Variants in RBMS1 observed in about 807,000 individuals in gnomAD.
The protein encoded by RBMS1 is RNA-binding motif, single-stranded-interacting protein 1.
In RBMS1, 17 loss-of-function variants were observed where a neutral mutation model predicts 62.3. The ratio of observed to expected loss-of-function variants is 0.27; its 90% CI spans 0.19 to 0.41. The LOEUF (loss-of-function observed/expected upper bound fraction) is 0.41, where lower values mean the gene tolerates loss of function less well. RBMS1 is among the 10% of genes least tolerant of loss of function. The probability of loss-of-function intolerance (pLI) is 1.00; values close to 1 mark genes in which losing one functional copy is unlikely to be tolerated. For synonymous variants in RBMS1, 172 were observed against 170.0 expected, an observed-to-expected ratio of 1.01 and a Z score of -0.09; for missense variants, 334 against 504.5, an observed-to-expected ratio of 0.66 and a Z score of 3.24.
intron 1 of RBMS1, among the ~76,000 whole-genome samples, chr2:160,408,894 CTT>C (rs1363303489): frequency 6.6e-6 from 1 of 152,210 alleles, no homozygotes; most frequent in Non-Finnish European, 1.5e-5. Context: ...TCCACGGTGA[CTT>C]TTACAGAATA....
At position 160,346,250 on chromosome 2, in the gene RBMS1, G is replaced by T. The variant is rs184273380; in HGVS notation, c.251+20966C>A. On this transcript the variant is annotated intron_variant, in intron 2 of 13. Coordinates refer to ENST00000348849, the MANE Select transcript of RBMS1 (RefSeq NM_016836.4). Reference sequence around the variant, plus strand: ...TGTACTCTTTAACATGAATATGCCAGTCCAGAAGTGATGCTAAAAGTATTT... The same window carrying T: ...TGTACTCTTTAACATGAATATGCCATTCCAGAAGTGATGCTAAAAGTATTT... Among the ~76,000 whole-genome samples, 15 of 152,260 alleles carry T rather than the reference G, an allele frequency of 9.9e-5. No individual in the cohort carries two copies. In the East Asian group the frequency reaches 2.5e-3, roughly 26 times the overall value.
intron 1 of RBMS1, among the ~76,000 whole-genome samples, chr2:160,432,923 T>C (rs192069573): frequency 2.2e-4 from 34 of 152,258 alleles, no homozygotes; most frequent in African/African-American, 8.2e-4. Context: ...CCTGCCCAAC[T>C]ACCCAGAACA....
At chr2:160,426,218 G>GAAA (rs71408120) in intron 1 of RBMS1, among the ~76,000 whole-genome samples, 20 of 48,726 alleles carry the variant, frequency 4.1e-4, no homozygotes, top group African/African-American at 7.6e-4. Flanking sequence ...GAGAGAGACA[G>GAAA]AAGAAAGAAA....
At chr2:160,285,086 G>T in intron 7 of RBMS1, 42 bp from the exon 8 acceptor site, 4 of 1,578,006 alleles carry the variant, frequency 2.5e-6, no homozygotes, top group Non-Finnish European at 3.5e-6. Flanking sequence ...ATCTAGAAAG[G>T]CATGATTTAA....
At chr2:160,488,645 G>A (rs183137551) in intron 1 of RBMS1, among the ~76,000 whole-genome samples, 1 of 152,236 alleles carries the variant, frequency 6.6e-6, no homozygotes, top group Admixed American at 6.5e-5. Context: ...TCCCCAAGCC[G>A]ATGTTCAACT....
intron 4 of RBMS1, among the ~76,000 whole-genome samples, chr2:160,303,961 T>C (rs1359338850): frequency 1.3e-5 from 2 of 152,138 alleles, no homozygotes; most frequent in African/African-American, 2.4e-5. Context: ...TCCTCTGCTC[T>C]ATGGCAAAGT....
chr2:160,286,857 C>G (rs1366045022), intron 7 of RBMS1, 112 bp downstream of exon 7: 73 of 1,541,168 alleles, frequency 4.7e-5, no homozygotes, highest in Non-Finnish European at 5.9e-5. Flanking sequence ...ATCCTGGCAC[C>G]TATTTCAGAA....
intron 2 of RBMS1, among the ~76,000 whole-genome samples, chr2:160,341,822 T>C (rs1691889792): frequency 6.6e-6 from 1 of 152,148 alleles, no homozygotes; most frequent in Non-Finnish European, 1.5e-5. Flanking sequence ...CAATAAATAT[T>C]TGTGTTGATA....
At chr2:160,322,661 G>C (rs778936321) in intron 2 of RBMS1, among the ~76,000 whole-genome samples, 9 of 152,186 alleles carry the variant, frequency 5.9e-5, no homozygotes, top group African/African-American at 1.2e-4. Context: ...CTAAGGTGCT[G>C]AAGGGCTTCC....
intron 4 of RBMS1, among the ~76,000 whole-genome samples, chr2:160,304,792 A>G (rs1347874321): frequency 3.3e-5 from 5 of 152,246 alleles, no homozygotes; most frequent in African/African-American, 1.2e-4. Context: ...ACAAAAGTCA[A>G]AAACTTAAAT....
intron 1 of RBMS1, among the ~76,000 whole-genome samples, chr2:160,489,031 C>A (rs1208800033): frequency 6.6e-6 from 1 of 152,190 alleles, no homozygotes; most frequent in Non-Finnish European, 1.5e-5. Context: ...TGTAGTTATA[C>A]TGATACTAAA....
chr2:160,367,494 T>C (rs1187195434), intron 1 of RBMS1, 103 bp from the exon 2 acceptor site: 9 of 1,512,350 alleles, frequency 6.0e-6, no homozygotes, highest in African/African-American at 2.8e-5. Context: ...TTAAGCTACT[T>C]TGAGTTATAA....
intron 1 of RBMS1, among the ~76,000 whole-genome samples, chr2:160,450,384 CA>C (rs1193990963): frequency 1.3e-5 from 2 of 151,676 alleles, no homozygotes; most frequent in Non-Finnish European, 2.9e-5. Context: ...CTACTAAATA[CA>C]AAAAATTAGC....
At chr2:160,355,491 G>C (rs1486281996) in intron 2 of RBMS1, among the ~76,000 whole-genome samples, 2 of 151,986 alleles carry the variant, frequency 1.3e-5, no homozygotes, top group African/African-American at 2.4e-5. Flanking sequence ...AGTTTCTTAA[G>C]ACTCCAAATC....
intron 2 of RBMS1, among the ~76,000 whole-genome samples, chr2:160,354,559 A>G (rs1260254985): frequency 6.6e-6 from 1 of 152,128 alleles, no homozygotes; most frequent in African/African-American, 2.4e-5. Context: ...TAGCAGGCCC[A>G]ATTTGTTTCG....
intron 1 of RBMS1, among the ~76,000 whole-genome samples, chr2:160,382,707 T>G: frequency 6.6e-6 from 1 of 152,204 alleles, no homozygotes; most frequent in East Asian, 1.9e-4. Context: ...ATCCTTCTAA[T>G]TGATTTTTAA....
intron 1 of RBMS1, among the ~76,000 whole-genome samples, chr2:160,370,360 C>T (rs540395593): frequency 3.3e-5 from 5 of 152,286 alleles, no homozygotes; most frequent in Admixed American, 6.5e-5. Flanking sequence ...CTGGGCCGGG[C>T]GCAGTGGCTC....
chr2:160,343,446 T>C (rs1163867842), intron 2 of RBMS1, among the ~76,000 whole-genome samples: 1 of 152,218 alleles, frequency 6.6e-6, no homozygotes, highest in Non-Finnish European at 1.5e-5. Context: ...GGCTTTGTCC[T>C]GGGTCTGCAT....
intron 2 of RBMS1, among the ~76,000 whole-genome samples, chr2:160,346,643 T>C (rs1286125158): frequency 6.6e-6 from 1 of 152,044 alleles, no homozygotes; most frequent in East Asian, 1.9e-4. Flanking sequence ...AAGCAATAGG[T>C]GCTACATATT....
Sources: gnomAD v4.1 joint callset for allele counts (sites outside exome capture counted in the v4.1 genomes callset) on GRCh38, gnomAD v4.1.1 for gene constraint, MANE v1.5 for transcripts, NCBI Gene and HGNC (gene_info 2026-07-23, HGNC 2026-07-21) for gene names.